The following HARS1 variants were observed in gnomAD, a reference collection of about 807,000 sequenced individuals.
HARS1 encodes the protein histidyl-tRNA synthetase 1, also known as histidine--tRNA ligase, cytoplasmic.
HARS1 carries 45 observed loss-of-function variants against 63.6 expected under a neutral mutation model. The ratio of observed to expected loss-of-function variants is 0.71; its 90% CI spans 0.56 to 0.91. The LOEUF (loss-of-function observed/expected upper bound fraction) is 0.91. Ranked by LOEUF, HARS1 falls within the 40% of genes least tolerant of loss-of-function variation. The pLI is 0.00. For missense variants in HARS1, 508 were observed against 643.2 expected (o/e 0.79, Z 2.27); for synonymous variants, 205 against 247.1 (o/e 0.83, Z 1.60).
chr5:140,686,603 CTT>C (rs569351034), intron 2 of HARS1, among the ~76,000 whole-genome samples: 130 of 135,826 alleles, frequency 9.6e-4, no homozygotes, highest in Admixed American at 6.7e-4. Context: ...TTCTAAAATT[CTT>C]TTTTTTTTTT....
chr5:140,674,619 T>C lies in HARS1; in HGVS notation c.1458+60A>G, dbSNP rs886630498. On this transcript the variant is annotated intron_variant, in intron 12 of 12. Coordinates refer to ENST00000504156, the MANE Select transcript of HARS1 (RefSeq NM_002109.6). ...CTTTTTCTCAGGTCTTGAATGGGCA[T>C]GGGCCTGCCAAAATGGCATACATTC... 6 of 1,585,328 alleles carry C rather than the reference T, an allele frequency of 3.8e-6. No homozygotes were observed. In the African/African-American group the frequency reaches 6.7e-5, roughly 18 times the overall value.
chr5:140,678,925 G>T, intron 5 of HARS1, 77 bp downstream of exon 5: 1 of 1,461,608 alleles, frequency 6.8e-7, no homozygotes, highest in Non-Finnish European at 9.5e-7. Flanking sequence ...TCAGGACACC[G>T]TGAGTACTCA....
intron 2 of HARS1, among the ~76,000 whole-genome samples, chr5:140,686,089 A>T (rs1405144595): frequency 6.7e-6 from 1 of 148,616 alleles, no homozygotes; most frequent in African/African-American, 2.5e-5. Flanking sequence ...GCGTGCCACC[A>T]CGCCCGGCAA....
At chr5:140,682,877 C>T (rs1758805818) in intron 3 of HARS1, 1 of 474,832 alleles carries the variant, frequency 2.1e-6, no homozygotes, top group South Asian at 4.1e-5. Flanking sequence ...ATTACCATTC[C>T]AAAGAATGGC....
chr5:140,681,315 C>T (rs1758718097), intron 3 of HARS1, among the ~76,000 whole-genome samples: 1 of 152,064 alleles, frequency 6.6e-6, no homozygotes, highest in African/African-American at 2.4e-5. Context: ...GGCTCTGATC[C>T]AATATGTTGT....
At position 140,679,087 on chromosome 5, in the gene HARS1, T is replaced by C. The variant is rs781115846; in HGVS notation, c.437A>G (p.Asn146Ser). Residue 146 changes from asparagine (N) to serine (S), a missense_variant, in exon 5 of 13, where the codon AAC becomes AGC. Physicochemically the swap from Asn to Ser is conservative, Grantham distance 46. Transcript: ENST00000504156. The surrounding 1 kb of genome is among the most constrained non-coding windows in gnomAD (Gnocchi z 4.3). ...ARYLAMNKLTNIKRYHIAKVY... is the reference protein window; with the variant it reads ...ARYLAMNKLTSIKRYHIAKVY... Reference sequence around the variant, plus strand: ...CTTTGCTATGTGGTAGCGTTTAATGTTGGTCAGTTTATTCATTGCCAAATA... The same window carrying C: ...CTTTGCTATGTGGTAGCGTTTAATGCTGGTCAGTTTATTCATTGCCAAATA... The C allele has an allele frequency of 2.5e-6, 4 of 1,613,974 alleles. No individual in the cohort carries two copies. The Admixed American group carries it at 6.7e-5, about 27-fold the overall frequency.
At chr5:140,677,161 AG>A in intron 8 of HARS1, 45 bp from the exon 9 acceptor site, 2 of 1,609,726 alleles carry the variant, frequency 1.2e-6, no homozygotes, top group Middle Eastern at 1.7e-4. Context: ...GAAACAAAAA[AG>A]GTAAGGAGGG....
chr5:140,691,350 T>A lies in HARS1; in HGVS notation c.-46A>T, dbSNP rs369183621. The A allele has an allele frequency of 1.3e-5, 19 of 1,441,924 alleles. No homozygotes were observed. The African/African-American group carries it at 2.4e-4, about 18-fold the overall frequency. 89.3% of individuals were successfully genotyped at this position (1,441,924 alleles called of 1,614,324 possible). A position where few individuals can be genotyped will look rare whatever the true frequency, so the allele number is the denominator to read the frequency against. On this transcript the variant is annotated 5_prime_UTR_variant, in exon 1 of 13. Coordinates refer to ENST00000504156, the MANE Select transcript of HARS1 (RefSeq NM_002109.6). ...GCCTGCTGTCTCGACCTGCGGTGGT[T>A]GCCCCAGCCTCAGCAAGGATGACTT...
At chr5:140,688,696 CT>C (rs531737866) in intron 2 of HARS1, among the ~76,000 whole-genome samples, 2,827 of 147,350 alleles carry the variant, frequency 0.019, 85 homozygotes, top group African/African-American at 0.066. Flanking sequence ...CCCTCCCCAA[CT>C]TTTTTTTTTT....
chr5:140,678,119 G>T, intron 5 of HARS1, 104 bp from the exon 6 acceptor site: 1 of 679,782 alleles, frequency 1.5e-6, no homozygotes, highest in South Asian at 1.6e-5. Flanking sequence ...CTCAAGCATA[G>T]AATTTCTCTT....
In HARS1 at chr5:140,679,927, C is replaced by T. The variant is rs993309225; in HGVS notation, c.301-44G>A. Reference sequence around the variant, plus strand: ...AATGTGGTCATAATAATAAACATAACAATTTAAAAGGAAGTTTTGAAAACA... The same window carrying T: ...AATGTGGTCATAATAATAAACATAATAATTTAAAAGGAAGTTTTGAAAACA... On this transcript the variant is annotated intron_variant, in intron 3 of 12. Transcript: ENST00000504156. The surrounding 1 kb of genome is among the most constrained non-coding windows in gnomAD (Gnocchi z 4.3). 1 of 1,100,444 alleles carries T rather than the reference C, an allele frequency of 9.1e-7. No homozygotes were observed. The highest frequency in any genetic ancestry group is 1.4e-6 in the Non-Finnish European group (1 of 725,052). 68.2% of individuals were successfully genotyped at this position (1,100,444 alleles called of 1,614,324 possible). A position where few individuals can be genotyped will look rare whatever the true frequency, so the allele number is the denominator to read the frequency against.
Position 140,673,993 on chromosome 5 carries a change from C to T in HARS1, c.*264G>A, listed in dbSNP as rs934905994. ...TGGTGCGGGGCCCTGCAGATGGGAC[C>T]ATCTCAGGCTGGGTCCTTGTAGCCC... On this transcript the variant is annotated 3_prime_UTR_variant, in exon 13 of 13. Transcript: ENST00000504156. 1.7e-6 allele frequency: 1 copy of T among 583,742 alleles called. No individual in the cohort carries two copies. 36.2% of individuals were successfully genotyped at this position (583,742 alleles called of 1,614,324 possible).
intron 3 of HARS1, among the ~76,000 whole-genome samples, chr5:140,681,655 G>A (rs192784934): frequency 3.9e-5 from 6 of 152,038 alleles, no homozygotes; most frequent in Admixed American, 2.0e-4. Flanking sequence ...GCAACAGAGC[G>A]AGACTCTGTC....
intron 3 of HARS1, 86 bp downstream of exon 3, chr5:140,683,014 T>G (rs983656596): frequency 3.0e-6 from 4 of 1,312,834 alleles, no homozygotes; most frequent in Non-Finnish European, 4.3e-6. Context: ...GTGGGCCCTT[T>G]GGACCCTCAC....
intron 2 of HARS1, among the ~76,000 whole-genome samples, chr5:140,690,062 C>G (rs1169587784): frequency 1.3e-5 from 2 of 152,214 alleles, no homozygotes; most frequent in Non-Finnish European, 2.9e-5. Context: ...ATATCACTTC[C>G]TCAGTTAGCC....
intron 2 of HARS1, 118 bp from the exon 3 acceptor site, chr5:140,683,337 A>G (rs1006807888): frequency 8.3e-6 from 9 of 1,079,030 alleles, no homozygotes; most frequent in African/African-American, 1.6e-5. Context: ...CTCTAAACAG[A>G]TTTTCCTACA....
Position 140,686,188 on chromosome 5 carries a change from T to C in HARS1, c.181-2969A>G, listed in dbSNP as rs375407467. On this transcript the variant is annotated intron_variant, in intron 2 of 12. Coordinates refer to ENST00000504156, the MANE Select transcript of HARS1 (RefSeq NM_002109.6). ...GACCTCATGATCCACTTGCCTCTGC[T>C]TCCCAAAGTGCTTGGATTACAGGCA... 2.1e-4 allele frequency among the ~76,000 whole-genome samples: 32 copies of C among 152,082 alleles called. No individual in the cohort carries two copies. The East Asian group carries it at 3.3e-3, about 16-fold the overall frequency.
In HARS1 at chr5:140,679,469, C is replaced by A; in HGVS notation, c.396+319G>T. 1 of 399,998 alleles carries A rather than the reference C, an allele frequency of 2.5e-6. No homozygotes were observed. The highest frequency in any genetic ancestry group is 4.4e-6 in the Non-Finnish European group (1 of 224,968). 24.8% of individuals were successfully genotyped at this position (399,998 alleles called of 1,614,324 possible). On this transcript the variant is annotated intron_variant, in intron 4 of 12. Coordinates refer to ENST00000504156, the MANE Select transcript of HARS1 (RefSeq NM_002109.6). This position sits in a 1 kb window ranked among gnomAD's most constrained non-coding sequence, Gnocchi z 4.3. ...GATGATTCTCTGTGTAGCTTGGAGACAAGGGAAATGTGTTGCTAGTCCATT... is the reference window on the plus strand; with the variant it reads ...GATGATTCTCTGTGTAGCTTGGAGAAAAGGGAAATGTGTTGCTAGTCCATT...
rs752299660 is a variant in HARS1 at position 140,674,228 on chromosome 5, A to G, written c.*29T>C. 1.4e-6 allele frequency: 2 copies of G among 1,430,956 alleles called. No individual in the cohort carries two copies. Among genetic ancestry groups the G allele is most frequent in the South Asian group, 2.3e-5 (2 of 87,418 alleles). The allele number at this position is 1,430,956 out of a possible 1,614,324, so 88.6% of individuals were successfully genotyped here. ...CTTAACCTCAAATAGTGCCAGTCCCACTTCCTTTCCTCTGATAGTTTGTTC... is the reference window on the plus strand; with the variant it reads ...CTTAACCTCAAATAGTGCCAGTCCCGCTTCCTTTCCTCTGATAGTTTGTTC... On this transcript the variant is annotated 3_prime_UTR_variant, in exon 13 of 13. Coordinates refer to ENST00000504156, the MANE Select transcript of HARS1 (RefSeq NM_002109.6).
Sources: gnomAD v4.1 joint callset for allele counts (sites outside exome capture counted in the v4.1 genomes callset) on GRCh38, gnomAD v4.1.1 for gene constraint, Gnocchi (gnomAD v3.1) non-coding constraint, MANE v1.5 for transcripts, NCBI Gene and HGNC (gene_info 2026-07-23, HGNC 2026-07-21) for gene names.